The following PC variants were observed in gnomAD, a reference collection of about 807,000 sequenced individuals.
PC encodes pyruvate carboxylase, mitochondrial.
Under a neutral mutation model 107.8 loss-of-function variants are expected in PC, and 46 were observed. The ratio of observed to expected loss-of-function variants is 0.43; its 90% CI spans 0.34 to 0.55. The LOEUF is 0.55. Ranked by LOEUF, PC falls within the 20% of genes least tolerant of loss-of-function variation. The pLI, the probability that PC is intolerant of heterozygous loss-of-function variation, is 0.04. For synonymous variants in PC, 662 were observed against 684.7 expected (o/e 0.97, Z 0.52); for missense variants, 1,241 against 1,643.1 (o/e 0.76, Z 4.23).
At chr11:66,882,334 G>A (rs903373585) in intron 3 of PC, among the ~76,000 whole-genome samples, 3 of 152,180 alleles carry the variant, frequency 2.0e-5, no homozygotes, top group South Asian at 4.1e-4. Flanking sequence ...ACATCGCTTC[G>A]TCCTACATAT....
At chr11:66,896,797 AG>A (rs1432024063) in intron 3 of PC, among the ~76,000 whole-genome samples, 22 of 152,340 alleles carry the variant, frequency 1.4e-4, no homozygotes, top group Middle Eastern at 3.4e-3. Flanking sequence ...CTAGATGAGA[AG>A]CGTCCGCCTA....
chr11:66,925,288 A>C (rs1049692556), intron 3 of PC, among the ~76,000 whole-genome samples: 1 of 152,178 alleles, frequency 6.6e-6, no homozygotes, highest in African/African-American at 2.4e-5. Flanking sequence ...TAAGCCTGGG[A>C]GCTCTACGGG....
intron 3 of PC, among the ~76,000 whole-genome samples, chr11:66,911,342 C>T (rs991604687): frequency 1.7e-4 from 26 of 152,006 alleles, no homozygotes; most frequent in African/African-American, 5.8e-4. Flanking sequence ...CAAGTCACCC[C>T]GCCATCCTGG....
chr11:66,938,407 G>A (rs1949049647), intron 3 of PC, among the ~76,000 whole-genome samples: 1 of 152,018 alleles, frequency 6.6e-6, no homozygotes, highest in Non-Finnish European at 1.5e-5. Context: ...ATCTCATATG[G>A]CATTTAGAAA....
At chr11:66,893,474 A>G (rs923076628) in intron 3 of PC, among the ~76,000 whole-genome samples, 4 of 152,156 alleles carry the variant, frequency 2.6e-5, no homozygotes, top group Admixed American at 6.5e-5. Flanking sequence ...AATTTGATCA[A>G]AACATGAGGA....
chr11:66,901,018 G>A (rs924372932), intron 3 of PC, among the ~76,000 whole-genome samples: 2 of 152,060 alleles, frequency 1.3e-5, no homozygotes, highest in Non-Finnish European at 2.9e-5. Flanking sequence ...TTTTGAACTA[G>A]TAACTAGTTT....
intron 3 of PC, among the ~76,000 whole-genome samples, chr11:66,920,344 C>G (rs1188740092): frequency 6.6e-6 from 1 of 152,124 alleles, no homozygotes; most frequent in African/African-American, 2.4e-5. Context: ...TTTCTGTCTT[C>G]TTTTTCCTGC....
In PC at chr11:66,848,609, C is replaced by T; in HGVS notation, c.*290G>A. 5.0e-6 allele frequency: 3 copies of T among 601,720 alleles called. No homozygotes were observed. Among genetic ancestry groups the T allele is most frequent in the Middle Eastern group, 4.4e-4 (1 of 2,260 alleles). The allele number at this position is 601,720 out of a possible 1,614,324, so 37.3% of individuals were successfully genotyped here. A position where few individuals can be genotyped will look rare whatever the true frequency, so the allele number is the denominator to read the frequency against. On this transcript the variant is annotated 3_prime_UTR_variant, in exon 23 of 23. Transcript: ENST00000393960. ...CCCCTTCCCCCAGGAGATAGGACCC[C>T]TAAACCTCCCCTGGGTCCTAGGACC...
intron 3 of PC, among the ~76,000 whole-genome samples, chr11:66,904,793 G>C (rs192256216): frequency 1.3e-5 from 2 of 152,204 alleles, no homozygotes; most frequent in African/African-American, 2.4e-5. Flanking sequence ...GGAAGGGAAC[G>C]GCATTAAGAG....
Position 66,851,835 on chromosome 11 carries a change from G to C in PC, c.1937C>G (p.Ala646Gly), listed in dbSNP as rs1565213970. Residue 646 changes from alanine to glycine, a missense_variant, in exon 16 of 23, where the codon GCC becomes GGC. Around this residue, in one of 2 missense-constraint regions of PC, gnomAD observed 1,143 missense variants for 1,551.9 expected, o/e 0.74. Coordinates refer to ENST00000393960, the MANE Select transcript of PC (RefSeq NM_001040716.2). Reference sequence around the variant, plus strand: ...GTAGTTGGTGTAGCCCACAGCATTGGCCCCCCGCAGCAGCATCTGGAAAGG... The same window carrying C: ...GTAGTTGGTGTAGCCCACAGCATTGCCCCCCCGCAGCAGCATCTGGAAAGG... ...NIPFQMLLRG[A>G]NAVGYTNYPD... The C allele has an allele frequency of 6.2e-7, 1 of 1,614,102 alleles. No homozygotes were observed. Among genetic ancestry groups the C allele is most frequent in the Admixed American group, 1.7e-5 (1 of 60,028 alleles).
intron 3 of PC, among the ~76,000 whole-genome samples, chr11:66,877,497 G>A (rs1947026431): frequency 6.6e-6 from 1 of 152,194 alleles, no homozygotes; most frequent in Non-Finnish European, 1.5e-5. Context: ...AGACCATCCT[G>A]GCTAACACGG....
At chr11:66,875,621 A>T (rs1230035403) in intron 3 of PC, among the ~76,000 whole-genome samples, 1 of 152,070 alleles carries the variant, frequency 6.6e-6, no homozygotes, top group African/African-American at 2.4e-5. Context: ...CGCTGGGCAG[A>T]AGCGAGCGGC....
intron 3 of PC, among the ~76,000 whole-genome samples, chr11:66,949,139 C>G (rs943463583): frequency 1.3e-5 from 2 of 150,846 alleles, no homozygotes; most frequent in Admixed American, 1.3e-4. Flanking sequence ...ATTACAGGCG[C>G]GTGACCACCA....
At position 66,866,489 on chromosome 11, in the gene PC, C is replaced by G. The variant is rs762321960; in HGVS notation, c.1023-140G>C. 1.5e-6 allele frequency: 1 copy of G among 667,910 alleles called. No homozygotes were observed. The highest frequency in any genetic ancestry group is 2.3e-5 in the Admixed American group (1 of 42,680). 41.4% of individuals were successfully genotyped at this position (667,910 alleles called of 1,614,324 possible). On this transcript the variant is annotated intron_variant, in intron 10 of 22. Transcript: ENST00000393960. This position sits in a 1 kb window ranked among gnomAD's most constrained non-coding sequence, Gnocchi z 5.4. ...CCCATAGGCTCTGGGCCAGCCTGAA[C>G]AGCCGGTTCCTCCCAACCAGTGGCT...
chr11:66,941,422 C>T (rs1402991122), intron 3 of PC, among the ~76,000 whole-genome samples: 1 of 152,212 alleles, frequency 6.6e-6, no homozygotes, highest in Non-Finnish European at 1.5e-5. Flanking sequence ...ATAGCTCAAA[C>T]ATGGAACCAA....
At chr11:66,883,195 C>T (rs964464918) in intron 3 of PC, among the ~76,000 whole-genome samples, 1 of 152,124 alleles carries the variant, frequency 6.6e-6, no homozygotes, top group African/African-American at 2.4e-5. Flanking sequence ...AGGCGACTGG[C>T]GCCATGGTCT....
rs1230029695 is a variant in PC at position 66,945,020 on chromosome 11, C to T, written c.-1+7410G>A. Among the ~76,000 whole-genome samples the T allele has an allele frequency of 1.7e-5, 2 of 117,290 alleles. 1 individual carries two copies. Among genetic ancestry groups the T allele is most frequent in the Non-Finnish European group, 3.8e-5 (2 of 52,578 alleles). 76.9% of individuals were successfully genotyped at this position (117,290 alleles called of 152,430 possible). ...TCTCCAAAGATTGGTAGCTCTCCAC[C>T]GGGAGGTTAGGGAGAGGCCAAAATT... On this transcript the variant is annotated intron_variant, in intron 3 of 22. Transcript: ENST00000393960.
chr11:66,942,948 G>C (rs1318060717), intron 3 of PC, among the ~76,000 whole-genome samples: 1 of 151,676 alleles, frequency 6.6e-6, no homozygotes, highest in South Asian at 2.1e-4. Context: ...CCCGGGAGGC[G>C]GAGGTTGCGG....
At chr11:66,905,744 G>A (rs1190080475) in intron 3 of PC, among the ~76,000 whole-genome samples, 1 of 152,156 alleles carries the variant, frequency 6.6e-6, no homozygotes, top group African/African-American at 2.4e-5. Flanking sequence ...AAAGCCATGA[G>A]AAAGAGCTTG....
Sources: gnomAD v4.1 joint callset for allele counts (sites outside exome capture counted in the v4.1 genomes callset) on GRCh38, gnomAD v4.1.1 for gene constraint, gnomAD v4.1.1 regional missense constraint, Gnocchi (gnomAD v3.1) non-coding constraint, MANE v1.5 for transcripts, NCBI Gene and HGNC (gene_info 2026-07-23, HGNC 2026-07-21) for gene names.